The following ZFYVE9 variants were observed in gnomAD, a reference collection of about 807,000 sequenced individuals.
ZFYVE9 encodes the protein zinc finger FYVE domain-containing protein 9.
Under a neutral mutation model 126.7 loss-of-function variants are expected in ZFYVE9, and 43 were observed. The ratio of observed to expected loss-of-function variants is 0.34; its 90% confidence interval spans 0.27 to 0.44. ZFYVE9 has a LOEUF of 0.44. ZFYVE9 is among the 20% of genes least tolerant of loss of function. The pLI is 1.00. For synonymous variants in ZFYVE9, 521 were observed against 597.4 expected (o/e 0.87, Z 1.87); for missense variants, 1,476 against 1,697.0 (o/e 0.87, Z 2.29).
intron 4 of ZFYVE9, among the ~76,000 whole-genome samples, chr1:52,258,477 G>A (rs1045797033): frequency 4.2e-5 from 6 of 141,528 alleles, no homozygotes; most frequent in Middle Eastern, 3.3e-3. Context: ...GCTATGCCCA[G>A]GACAGTACTG....
intron 18 of ZFYVE9, 186 bp from the exon 19 acceptor site, chr1:52,345,874 T>C (rs571181280): frequency 5.4e-5 from 27 of 498,548 alleles, no homozygotes; most frequent in African/African-American, 4.6e-4. Flanking sequence ...GGTTGTCAAG[T>C]GGTCAGGAGG....
intron 1 of ZFYVE9, among the ~76,000 whole-genome samples, chr1:52,206,176 C>G (rs1644976211): frequency 6.6e-6 from 1 of 152,204 alleles, no homozygotes; most frequent in Admixed American, 6.5e-5. Context: ...CTGTATCTTT[C>G]AGGCATAGCA....
Position 52,314,913 on chromosome 1 carries a change from G to A in ZFYVE9, c.3438+10988G>A, listed in dbSNP as rs189022115. Among the ~76,000 whole-genome samples the A allele has an allele frequency of 2.0e-3, 297 of 152,252 alleles. 6 individuals are homozygous for A. Among genetic ancestry groups the A allele is most frequent in the Admixed American group, 0.017 (254 of 15,292 alleles). ...CACGAGAATTGCTTGAAATCTGGGC[G>A]GCAGAGGTTGCAGTGAGCTGAGATC... On this transcript the variant is annotated intron_variant, in intron 13 of 18. Transcript: ENST00000287727.
chr1:52,263,966 T>C (rs112561439), intron 5 of ZFYVE9, 94 bp downstream of exon 5: 1 of 651,088 alleles, frequency 1.5e-6, no homozygotes, highest in East Asian at 3.2e-5. Flanking sequence ...TCTTTACAAG[T>C]TGCTCACCTT....
intron 1 of ZFYVE9, 84 bp from the exon 2 acceptor site, chr1:52,216,285 T>A (rs888499438): frequency 8.3e-5 from 33 of 397,412 alleles, no homozygotes; most frequent in Admixed American, 2.2e-4. Flanking sequence ...TTGCTTTCAT[T>A]TGTCTGGCTA....
Position 52,238,876 on chromosome 1 carries a change from G to T in ZFYVE9, c.1459G>T (p.Gly487Cys), listed in dbSNP as rs1218206289. 2 of 1,614,018 alleles carry T rather than the reference G, an allele frequency of 1.2e-6. No homozygotes were observed. The highest frequency in any genetic ancestry group is 1.1e-5 in the South Asian group (1 of 91,066). The change falls in exon 4 of 19, where the codon GGT becomes TGT. Residue 487 changes from glycine (G) to cysteine (C), a missense_variant. Coordinates refer to ENST00000287727, the MANE Select transcript of ZFYVE9 (RefSeq NM_004799.4). ...TGATTCCTATGGAATGCAAGACCCA[G>T]GTGTTTCTTTTGTTCCAAAGACTTT... ...GCDSYGMQDP[G>C]VSFVPKTLPS...
At chr1:52,266,880 T>C in intron 6 of ZFYVE9, 49 bp downstream of exon 6, 1 of 1,488,786 alleles carries the variant, frequency 6.7e-7, no homozygotes, top group African/African-American at 1.4e-5. Flanking sequence ...GAAGTTCCTC[T>C]GAAAAGGTGC....
intron 1 of ZFYVE9, among the ~76,000 whole-genome samples, chr1:52,152,101 T>G (rs932508755): frequency 6.6e-6 from 1 of 152,166 alleles, no homozygotes; most frequent in African/African-American, 2.4e-5. Context: ...ATAATTCTCC[T>G]GCCTCAGCCT....
chr1:52,250,521 G>A (rs1042926145), intron 4 of ZFYVE9, among the ~76,000 whole-genome samples: 28 of 152,114 alleles, frequency 1.8e-4, no homozygotes, highest in South Asian at 4.1e-4. Context: ...TGTTTGCGGG[G>A]AATCTTTAAG....
intron 1 of ZFYVE9, among the ~76,000 whole-genome samples, chr1:52,212,538 A>G (rs1421405368): frequency 1.3e-5 from 2 of 152,234 alleles, no homozygotes; most frequent in Non-Finnish European, 2.9e-5. Context: ...TGGTAACTAT[A>G]TGAACCACTC....
chr1:52,345,395 G>A (rs1250688954), intron 18 of ZFYVE9, among the ~76,000 whole-genome samples: 6 of 152,176 alleles, frequency 3.9e-5, no homozygotes, highest in Admixed American at 3.3e-4. Context: ...CTTATGAGGA[G>A]AAACTGGTTC....
chr1:52,225,194 A>G (rs953154708), intron 2 of ZFYVE9, among the ~76,000 whole-genome samples: 2 of 152,210 alleles, frequency 1.3e-5, no homozygotes, highest in Admixed American at 6.5e-5. Context: ...AGGAATTCTT[A>G]GGGATCCTCC....
In ZFYVE9 at chr1:52,295,911, A is replaced by T. The variant is rs2147833321; in HGVS notation, c.3267A>T (p.Leu1089=). ...GAEYRLYPCP[L]FSVRFRKPLF... The stretch of plus-strand genomic sequence containing the variant: ...TTTCCATAGTTTATCCATGCCCACT[A>T]TTCAGTGTCAGATTTCGGAAGCCAT... Residue 1089 remains leucine, a synonymous_variant, in exon 12 of 19, where the codon CTA becomes CTT. Coordinates refer to ENST00000287727, the MANE Select transcript of ZFYVE9 (RefSeq NM_004799.4). 6.2e-7 allele frequency: 1 copy of T among 1,613,716 alleles called. No homozygotes were observed. Among genetic ancestry groups the T allele is most frequent in the East Asian group, 2.2e-5 (1 of 44,846 alleles).
intron 12 of ZFYVE9, among the ~76,000 whole-genome samples, chr1:52,303,349 C>T (rs1646053102): frequency 6.6e-6 from 1 of 152,244 alleles, no homozygotes; most frequent in African/African-American, 2.4e-5. Flanking sequence ...CTTGAGTCCA[C>T]CACTCTTGTT....
intron 13 of ZFYVE9, among the ~76,000 whole-genome samples, chr1:52,318,883 GC>G (rs963454377): frequency 3.3e-5 from 5 of 152,124 alleles, no homozygotes; most frequent in African/African-American, 1.2e-4. Flanking sequence ...GATTGCTTGA[GC>G]CCAGGAGTTC....
Position 52,346,427 on chromosome 1 carries a change from G to T in ZFYVE9, c.*206G>T. 7.9e-6 allele frequency: 4 copies of T among 506,418 alleles called. No homozygotes were observed. Among genetic ancestry groups the T allele is most frequent in the Non-Finnish European group, 1.0e-5 (3 of 298,708 alleles). The allele number at this position is 506,418 out of a possible 1,614,324, so 31.4% of individuals were successfully genotyped here. On this transcript the variant is annotated 3_prime_UTR_variant, in exon 19 of 19. Coordinates refer to ENST00000287727, the MANE Select transcript of ZFYVE9 (RefSeq NM_004799.4). ...CATAATTCTAAGTCTTCTATGCATTGTCCACCAAGAAGATCTGGGCAGCTT... is the reference window on the plus strand; with the variant it reads ...CATAATTCTAAGTCTTCTATGCATTTTCCACCAAGAAGATCTGGGCAGCTT...
chr1:52,240,988 C>G (rs1177480804), intron 4 of ZFYVE9, among the ~76,000 whole-genome samples: 1 of 152,118 alleles, frequency 6.6e-6, no homozygotes, highest in Non-Finnish European at 1.5e-5. Flanking sequence ...GTCTAGACGT[C>G]TAATGTACTA....
intron 4 of ZFYVE9, among the ~76,000 whole-genome samples, chr1:52,257,598 T>C (rs543443899): frequency 5.0e-4 from 76 of 152,360 alleles, no homozygotes; most frequent in African/African-American, 1.5e-3. Context: ...GTCATTCTTA[T>C]AAACAGATTA....
In ZFYVE9 at chr1:52,236,427, A is replaced by G. The variant is rs530760040; in HGVS notation, c.71-1061A>G. On this transcript the variant is annotated intron_variant, in intron 3 of 18. Transcript: ENST00000287727. ...TGTGGACACATTGAAGATTAATGTT[A>G]CAGATGAGGATTGAGCTTACAAATA... Among the ~76,000 whole-genome samples, 3 of 152,306 alleles carry G rather than the reference A, an allele frequency of 2.0e-5. No homozygotes were observed. In the South Asian group the frequency reaches 6.2e-4, roughly 32 times the overall value.
Sources: gnomAD v4.1 joint callset for allele counts (sites outside exome capture counted in the v4.1 genomes callset) on GRCh38, gnomAD v4.1.1 for gene constraint, MANE v1.5 for transcripts, NCBI Gene and HGNC (gene_info 2026-07-23, HGNC 2026-07-21) for gene names.